The following CALCB variants were observed in gnomAD, a reference collection of about 807,000 sequenced individuals.
CALCB encodes calcitonin gene-related peptide 2.
A neutral mutation model predicts 10.7 loss-of-function variants in CALCB; 8 were observed. That is an observed-to-expected ratio of 0.75 (90% confidence interval 0.44 to 1.34). CALCB has a LOEUF of 1.34. Ranked by LOEUF, CALCB falls within the 40% of genes most tolerant of loss-of-function variation. The pLI is 0.01. For synonymous variants in CALCB, 76 were observed against 66.9 expected (o/e 1.14, Z -0.66); for missense variants, 176 against 162.5 (o/e 1.08, Z -0.45).
chr11:15,074,623 C>A, intron 1 of CALCB, 87 bp from the exon 2 acceptor site: 1 of 1,004,316 alleles, frequency 1.0e-6, no homozygotes, highest in Non-Finnish European at 1.5e-6. Flanking sequence ...AAGTAACGTG[C>A]CTAAGGTCAC....
At chr11:15,076,057 T>C in intron 3 of CALCB, among the ~76,000 whole-genome samples, 1 of 152,042 alleles carries the variant, frequency 6.6e-6, no homozygotes. Flanking sequence ...CCCTCCTGCC[T>C]GCCCCACCTG....
chr11:15,074,353 G>A (rs1309850484), intron 1 of CALCB, among the ~76,000 whole-genome samples: 1 of 152,364 alleles, frequency 6.6e-6, no homozygotes, highest in South Asian at 2.1e-4. Flanking sequence ...AAGGCGAGAA[G>A]GGGAGAGCAG....
chr11:15,075,260 G>A lies in CALCB; in HGVS notation c.224+62G>A, dbSNP rs1388086992. 4.3e-6 allele frequency: 7 copies of A among 1,610,898 alleles called. No individual in the cohort carries two copies. The East Asian group carries it at 1.1e-4, about 26-fold the overall frequency. On this transcript the variant is annotated intron_variant, in intron 3 of 4. Transcript: ENST00000324229. ...TCCCCGCAGCATACACAGGAAGGTG[G>A]ATCCCAAGAGGCAGGAGAGAACACA...
chr11:15,077,360 CA>C lies in CALCB; in HGVS notation c.300del (p.Gly102AlafsTer3), dbSNP rs758379350. ...CGGCTGGCAGGCTTGCTGAGCAGATCAGGGGGCATGGTGAAGAGCAACTTCG... is the reference window on the plus strand; with the variant it reads ...CGGCTGGCAGGCTTGCTGAGCAGATCGGGGGCATGGTGAAGAGCAACTTCG... ...THRLAGLLSR[S>X]GGMVKSNFVP... On this transcript the variant is annotated frameshift_variant, in exon 4 of 5. Transcript: ENST00000324229. LOFTEE classifies it high-confidence loss of function. The C allele has an allele frequency of 9.3e-6, 15 of 1,614,252 alleles. No homozygotes were observed. The South Asian group carries it at 1.4e-4, about 15-fold the overall frequency.
chr11:15,075,005 T>C, intron 2 of CALCB, 56 bp from the exon 3 acceptor site: 1 of 1,602,426 alleles, frequency 6.2e-7, no homozygotes. Context: ...CTGCCTATCC[T>C]GGGGAGGGTC....
chr11:15,077,482 A>G lies in CALCB; in HGVS notation c.*25+12A>G. 1 of 1,612,048 alleles carries G rather than the reference A, an allele frequency of 6.2e-7. No individual in the cohort carries two copies. Among genetic ancestry groups the G allele is most frequent in the East Asian group, 2.2e-5 (1 of 44,858 alleles). On this transcript the variant is annotated intron_variant, in intron 4 of 4. Coordinates refer to ENST00000324229, the MANE Select transcript of CALCB (RefSeq NM_000728.4). The stretch of plus-strand genomic sequence containing the variant: ...ACTCCAGGAAGAAGGTAACTACCCT[A>G]ATGCTATGGGATAAGAGGGGGAAGG...
chr11:15,075,309 A>ATTTGTCCAGCAGGCTCCCTTTC, intron 3 of CALCB, 111 bp downstream of exon 3: 1 of 1,561,634 alleles, frequency 6.4e-7, no homozygotes, highest in South Asian at 1.2e-5. Context: ...CAGCAAGCTG[A>ATTTGTCCAGCAGGCTCCCTTTC]TTTGTCCAGC....
intron 3 of CALCB, 102 bp from the exon 4 acceptor site, chr11:15,077,184 C>T: frequency 7.9e-7 from 1 of 1,259,834 alleles, no homozygotes; most frequent in Non-Finnish European, 1.1e-6. Flanking sequence ...GAAACACTTA[C>T]TGTTAGGTGG....
intron 2 of CALCB, 119 bp from the exon 3 acceptor site, chr11:15,074,942 G>A (rs2133640412): frequency 7.0e-7 from 1 of 1,433,238 alleles, no homozygotes; most frequent in Non-Finnish European, 9.8e-7. Context: ...CCGTCCCCTG[G>A]GAGTCGCGGT....
chr11:15,075,222 A>C, intron 3 of CALCB, 24 bp downstream of exon 3: 2 of 1,613,666 alleles, frequency 1.2e-6, no homozygotes, highest in South Asian at 2.2e-5. Context: ...AGCGCCCAGC[A>C]CAGGGACTCC....
chr11:15,075,481 T>C, intron 3 of CALCB, among the ~76,000 whole-genome samples: 1 of 152,160 alleles, frequency 6.6e-6, no homozygotes, highest in Non-Finnish European at 1.5e-5. Context: ...TGAAAACTGA[T>C]AGAAAATGAA....
Position 15,077,388 on chromosome 11 carries a change from G to T in CALCB, c.327G>T (p.Val109=). Residue 109 remains valine, a synonymous_variant, in exon 4 of 5, where the codon GTG becomes GTT. Transcript: ENST00000324229. The stretch of plus-strand genomic sequence containing the variant: ...GGGGCATGGTGAAGAGCAACTTCGT[G>T]CCCACCAATGTGGGTTCCAAAGCCT... ...RSGGMVKSNF[V]PTNVGSKAFG... is the part of the protein sequence containing the mutation. 1 of 1,614,224 alleles carries T rather than the reference G, an allele frequency of 6.2e-7. No homozygotes were observed. The highest frequency in any genetic ancestry group is 2.2e-5 in the East Asian group (1 of 44,878).
chr11:15,075,371 G>A (rs1429013124), intron 3 of CALCB, among the ~76,000 whole-genome samples, 173 bp downstream of exon 3: 16 of 152,232 alleles, frequency 1.1e-4, no homozygotes, highest in Admixed American at 1.0e-3. Flanking sequence ...TGCACCTGGA[G>A]GGACTGTGTG....
chr11:15,077,499 G>T, intron 4 of CALCB, 29 bp downstream of exon 4: 1 of 1,603,084 alleles, frequency 6.2e-7, no homozygotes, highest in Non-Finnish European at 8.5e-7. Context: ...TGGGATAAGA[G>T]GGGGAAGGGA....
chr11:15,076,333 A>G (rs1320343501), intron 3 of CALCB, among the ~76,000 whole-genome samples: 2 of 152,184 alleles, frequency 1.3e-5, no homozygotes, highest in Non-Finnish European at 2.9e-5. Context: ...CAGAGGGACC[A>G]CTACCCGACT....
intron 1 of CALCB, among the ~76,000 whole-genome samples, chr11:15,073,865 G>A (rs1195183847): frequency 6.6e-6 from 1 of 152,262 alleles, no homozygotes; most frequent in East Asian, 1.9e-4. Flanking sequence ...AGTGCGAGAG[G>A]AGCCCAAGCA....
chr11:15,075,895 C>T (rs1366621482), intron 3 of CALCB, among the ~76,000 whole-genome samples: 3 of 152,152 alleles, frequency 2.0e-5, no homozygotes, highest in African/African-American at 7.2e-5. Context: ...ATGTGTCACA[C>T]CTACATTCAC....
chr11:15,074,873 C>T (rs1540139), intron 2 of CALCB, 69 bp downstream of exon 2: 1,038,925 of 1,457,918 alleles, frequency 0.71, 372,577 homozygotes, highest in Middle Eastern at 0.81. Context: ...CTCTGTGCCT[C>T]TGAAGTCACG....
chr11:15,077,221 A>G (rs200078205), intron 3 of CALCB, 65 bp from the exon 4 acceptor site: 2 of 1,570,300 alleles, frequency 1.3e-6, no homozygotes, highest in Non-Finnish European at 8.7e-7. Context: ...AGTTCTCTTC[A>G]TGAAGGCTCC....
Sources: allele counts gnomAD v4.1 joint callset (sites outside exome capture counted in the v4.1 genomes callset), GRCh38; gene constraint gnomAD v4.1.1; transcripts MANE v1.5; gene names NCBI Gene and HGNC (gene_info 2026-07-23, HGNC 2026-07-21).